The following SETD4 variants were observed in gnomAD, a reference collection of about 807,000 sequenced individuals.
The protein encoded by SETD4 is SET domain containing 4, also known as SET domain-containing protein 4.
In SETD4, 46 loss-of-function variants were observed where a neutral mutation model predicts 58.3. That is an observed-to-expected ratio of 0.79 (90% CI 0.62 to 1.01). SETD4 has a LOEUF of 1.01. Ranked by LOEUF, SETD4 falls within the 50% of genes least tolerant of loss-of-function variation. The pLI is 0.00. For synonymous variants in SETD4, 190 were observed against 202.6 expected, an observed-to-expected ratio of 0.94 and a Z score of 0.53; for missense variants, 490 against 523.3, an observed-to-expected ratio of 0.94 and a Z score of 0.62.
rs1447472494 is a variant in SETD4 at position 36,050,567 on chromosome 21, G to A, written c.208-2171C>T. On this transcript the variant is annotated intron_variant, in intron 4 of 11. Coordinates refer to ENST00000332131, the MANE Select transcript of SETD4 (RefSeq NM_017438.5). ...TCCTGAACTGCGTTAATAAGTTCTG[G>A]ACATTTCAAGAGTTGGCTGGCCATG... is the stretch of plus-strand genomic sequence containing the variant. 7.4e-6 allele frequency: 12 copies of A among 1,613,922 alleles called. No individual in the cohort carries two copies. In the Admixed American group the frequency reaches 2.0e-4, roughly 27 times the overall value.
intron 10 of SETD4, 97 bp downstream of exon 10, chr21:36,038,053 T>G: frequency 7.4e-7 from 1 of 1,345,306 alleles, no homozygotes; most frequent in African/African-American, 1.5e-5. Flanking sequence ...CACTAAACAA[T>G]GCTCTTATGA....
chr21:36,045,262 T>A (rs967655716), intron 6 of SETD4, among the ~76,000 whole-genome samples: 6 of 151,966 alleles, frequency 3.9e-5, no homozygotes, highest in African/African-American at 1.5e-4. Context: ...TAAGCTTCAG[T>A]CCCGGAAGGA....
chr21:36,058,359 G>C (rs2065091767), intron 2 of SETD4, among the ~76,000 whole-genome samples: 1 of 152,116 alleles, frequency 6.6e-6, no homozygotes, highest in East Asian at 1.9e-4. Context: ...ACATTAGCCG[G>C]GTGCAGTGGC....
At chr21:36,048,053 A>AAGAG (rs1482118148) in intron 5 of SETD4, among the ~76,000 whole-genome samples, 1 of 122,580 alleles carries the variant, frequency 8.2e-6, no homozygotes, top group Non-Finnish European at 1.8e-5. Context: ...GGAAGGAAGG[A>AAGAG]AGAGAGGGAG....
rs2123481481 is a variant in SETD4 at position 36,034,910 on chromosome 21, AAC to A, written c.*1081_*1082del. The A allele has an allele frequency of 6.6e-6, 1 of 152,362 alleles. No homozygotes were observed. The highest frequency in any genetic ancestry group is 1.9e-4 in the East Asian group (1 of 5,180). The allele number at this position is 152,362 out of a possible 1,614,324, so 9.4% of individuals were successfully genotyped here. On this transcript the variant is annotated 3_prime_UTR_variant, in exon 12 of 12. Transcript: ENST00000332131. ...AATATACTGCAGCTACTGAAAAATA[AAC>A]ACAAAGTGTATATACAAACAGGGAA...
At chr21:36,050,887 G>A (rs908452571) in intron 4 of SETD4, 7 of 1,611,036 alleles carry the variant, frequency 4.3e-6, no homozygotes, top group Middle Eastern at 3.3e-4. Flanking sequence ...TCAACAGATG[G>A]GAGAATGCAA....
intron 7 of SETD4, chr21:36,042,182 G>A (rs1014484985): frequency 5.2e-6 from 1 of 191,140 alleles, no homozygotes; most frequent in Non-Finnish European, 1.1e-5. Context: ...ACATCAGCAT[G>A]ACTGTTGAAA....
intron 6 of SETD4, among the ~76,000 whole-genome samples, chr21:36,044,464 T>C (rs183143673): frequency 8.9e-4 from 135 of 152,326 alleles, no homozygotes; most frequent in African/African-American, 3.1e-3. Flanking sequence ...TATAAACTCA[T>C]TGGTTTGGCA....
intron 4 of SETD4, chr21:36,050,841 G>A (rs1196714572): frequency 5.6e-6 from 9 of 1,610,962 alleles, no homozygotes; most frequent in African/African-American, 4.0e-5. Context: ...TGTCATTGTC[G>A]TGGGAGGCCA....
chr21:36,057,246 T>C (rs756592377), intron 2 of SETD4, 42 bp from the exon 3 acceptor site: 1 of 1,379,460 alleles, frequency 7.2e-7, no homozygotes, highest in Admixed American at 1.7e-5. Flanking sequence ...AAAACCACTA[T>C]ATAATCGGAT....
At chr21:36,046,286 T>C (rs1164916835) in intron 5 of SETD4, among the ~76,000 whole-genome samples, 1 of 152,140 alleles carries the variant, frequency 6.6e-6, no homozygotes, top group Non-Finnish European at 1.5e-5. Context: ...AGATTCCTCT[T>C]TGCAAAAAAA....
Position 36,058,810 on chromosome 21 carries a change from C to CCATACCT in SETD4, c.72_73+5dup. 1 of 1,594,080 alleles carries CCATACCT rather than the reference C, an allele frequency of 6.3e-7. No homozygotes were observed. Among genetic ancestry groups the CCATACCT allele is most frequent in the South Asian group, 1.2e-5 (1 of 85,238 alleles). On this transcript the variant is annotated splice_donor_region_variant and intron_variant, in intron 2 of 11. Coordinates refer to ENST00000332131, the MANE Select transcript of SETD4 (RefSeq NM_017438.5). The stretch of plus-strand genomic sequence containing the variant: ...TTCATTACTGGTACTAAAAGAAAAA[C>CCATACCT]CATACCTCCTCTTGATTCAGAACTT...
chr21:36,042,329 C>G (rs1247396310), intron 7 of SETD4: 4 of 152,228 alleles, frequency 2.6e-5, no homozygotes, highest in African/African-American at 9.7e-5. Flanking sequence ...TAAATATGCA[C>G]AAATTAACAG....
chr21:36,048,488 C>G lies in SETD4; in HGVS notation c.208-92G>C. On this transcript the variant is annotated intron_variant, in intron 4 of 11. Coordinates refer to ENST00000332131, the MANE Select transcript of SETD4 (RefSeq NM_017438.5). The stretch of plus-strand genomic sequence containing the variant: ...ACAAAGTCGTTGATCCCACAATCAC[C>G]TACCAGTAACCCACTGTAACTCAAC... The G allele has an allele frequency of 1.0e-5, 11 of 1,049,748 alleles. No homozygotes were observed. In the South Asian group the frequency reaches 1.4e-4, roughly 13 times the overall value. The allele number at this position is 1,049,748 out of a possible 1,614,324, so 65.0% of individuals were successfully genotyped here. A position where few individuals can be genotyped will look rare whatever the true frequency, so the allele number is the denominator to read the frequency against.
rs571022592 is a variant in SETD4 at position 36,059,754 on chromosome 21, G to A, written c.-37+593C>T. On this transcript the variant is annotated intron_variant, in intron 1 of 11. Transcript: ENST00000332131. Reference sequence around the variant, plus strand: ...TTCTAAAACATACGAGGGCAGAAATGAGCAAGAGACAAGAACTCCAGGCAA... The same window carrying A: ...TTCTAAAACATACGAGGGCAGAAATAAGCAAGAGACAAGAACTCCAGGCAA... 60 of 985,372 alleles carry A rather than the reference G, an allele frequency of 6.1e-5. No individual in the cohort carries two copies. In the African/African-American group the frequency reaches 7.5e-4, roughly 12 times the overall value. 61.0% of individuals were successfully genotyped at this position (985,372 alleles called of 1,614,324 possible).
At chr21:36,042,395 A>T (rs912737859) in intron 7 of SETD4, 4 of 152,258 alleles carry the variant, frequency 2.6e-5, no homozygotes, top group African/African-American at 9.6e-5. Context: ...TTAAAAATGT[A>T]AATATAACTA....
chr21:36,045,898 T>C lies in SETD4; in HGVS notation c.410A>G (p.Tyr137Cys), dbSNP rs777866601. ...KPYLEILPKAYTCPVCLEPEV... is the reference protein window; with the variant it reads ...KPYLEILPKACTCPVCLEPEV... ...CGGCTCCAAACAAACAGGGCAGGTA[T>C]ACGCCTTGGGTAAAATCTCCAGGTA... Residue 137 changes from tyrosine (Y) to cysteine (C), a missense_variant, in exon 6 of 12, where the codon TAT becomes TGT. By Grantham distance (194) the Tyr-to-Cys change is radical. Transcript: ENST00000332131. The C allele has an allele frequency of 5.0e-5, 80 of 1,614,094 alleles. 1 individual carries two copies. The highest frequency in any genetic ancestry group is 1.1e-5 in the South Asian group (1 of 91,082).
intron 6 of SETD4, among the ~76,000 whole-genome samples, chr21:36,044,883 C>T (rs2835247): frequency 0.32 from 49,072 of 152,070 alleles, 8,198 homozygotes; most frequent in Middle Eastern, 0.4. Flanking sequence ...GACTCTCTTC[C>T]GCTCTCCAAG....
chr21:36,037,617 A>AAT (rs2063843557), intron 10 of SETD4, among the ~76,000 whole-genome samples: 4 of 151,266 alleles, frequency 2.6e-5, no homozygotes, highest in African/African-American at 9.7e-5. Flanking sequence ...AAAAAAAAAA[A>AAT]AAATAGAAAA....
Sources: allele counts gnomAD v4.1 joint callset (sites outside exome capture counted in the v4.1 genomes callset), GRCh38; gene constraint gnomAD v4.1.1; transcripts MANE v1.5; gene names NCBI Gene and HGNC (gene_info 2026-07-23, HGNC 2026-07-21).